PAM: variants seen among roughly 807,000 people sequenced by gnomAD.
PAM encodes peptidyl-glycine alpha-amidating monooxygenase.
PAM carries 72 observed loss-of-function variants against 122.1 expected under a neutral mutation model. The observed-to-expected ratio is 0.59, with a 90% CI of 0.49 to 0.72. The LOEUF is 0.72. Among genes scored for constraint, PAM ranks in the 30% least tolerant of loss-of-function variants. The pLI, the probability that PAM is intolerant of heterozygous loss-of-function variation, is 0.00. For missense variants in PAM, 1,106 were observed against 1,183.7 expected, an observed-to-expected ratio of 0.93 and a Z score of 0.96; for synonymous variants, 389 against 404.4, an observed-to-expected ratio of 0.96 and a Z score of 0.46.
intron 1 of PAM, among the ~76,000 whole-genome samples, chr5:102,836,830 G>A (rs1235632180): frequency 6.7e-6 from 1 of 148,314 alleles, no homozygotes; most frequent in African/African-American, 2.5e-5. Context: ...AAATGAAAAT[G>A]TTAATTATGG....
chr5:102,977,591 G>T (rs1053669201), intron 15 of PAM, among the ~76,000 whole-genome samples: 5 of 151,280 alleles, frequency 3.3e-5, no homozygotes, highest in African/African-American at 1.2e-4. Context: ...TCAAACTGTT[G>T]TTTGAAAGGA....
In PAM at chr5:102,868,904, A is replaced by G. The variant is rs424091; in HGVS notation, c.210+1511A>G. Among the ~76,000 whole-genome samples, 26 of 152,368 alleles carry G rather than the reference A, an allele frequency of 1.7e-4. No individual in the cohort carries two copies. The East Asian group carries it at 5.0e-3, about 29-fold the overall frequency. On this transcript the variant is annotated intron_variant, in intron 3 of 25. Transcript: ENST00000438793. ...TTAGAGGAATTGATTATAAAAAGTC[A>G]TGGAGGAGCTCCATTTTCATAAAGT...
intron 1 of PAM, among the ~76,000 whole-genome samples, chr5:102,832,286 G>T (rs1026326365): frequency 6.6e-6 from 1 of 152,024 alleles, no homozygotes; most frequent in African/African-American, 2.4e-5. Context: ...CCCATAGCTA[G>T]GACAAAGCCA....
In PAM at chr5:102,974,235, A is replaced by T. The variant is rs191907390; in HGVS notation, c.1282A>T (p.Asn428Tyr). Residue 428 changes from asparagine to tyrosine, a missense_variant, in exon 15 of 26, where the codon AAT (asparagine) becomes TAT (tyrosine). This residue lies in a region of PAM where 670 missense variants were observed against 690.3 expected (regional missense o/e 0.97). Coordinates refer to ENST00000438793, the MANE Select transcript of PAM (RefSeq NM_001177306.2). ...GTCAGACCTGGTAGCTGAGATTGCA[A>T]ATGTAGTCCAAAAAAAGGATCTTGG... The part of the protein sequence containing the change: ...SESDLVAEIA[N>Y]VVQKKDLGRS... 4.3e-6 allele frequency: 7 copies of T among 1,614,030 alleles called. No homozygotes were observed. In the Admixed American group the frequency reaches 1.0e-4, roughly 23 times the overall value.
chr5:103,017,225 G>A (rs907355178), intron 21 of PAM, 109 bp from the exon 22 acceptor site: 2 of 748,212 alleles, frequency 2.7e-6, no homozygotes, highest in East Asian at 2.5e-5. Flanking sequence ...TTTGGTTTGA[G>A]TAATATGTTT....
chr5:102,793,329 G>C (rs1335571488), intron 1 of PAM, among the ~76,000 whole-genome samples: 2 of 151,734 alleles, frequency 1.3e-5, no homozygotes, highest in Non-Finnish European at 2.9e-5. Flanking sequence ...TTTGGGAGCA[G>C]TCTGGGCAAC....
At chr5:102,798,901 A>G (rs1474371381) in intron 1 of PAM, among the ~76,000 whole-genome samples, 1 of 152,118 alleles carries the variant, frequency 6.6e-6, no homozygotes, top group Non-Finnish European at 1.5e-5. Flanking sequence ...TTTACTTCTC[A>G]CTGTCCTAGA....
intron 7 of PAM, among the ~76,000 whole-genome samples, chr5:102,937,338 T>C (rs1336353015): frequency 1.3e-5 from 2 of 152,164 alleles, no homozygotes; most frequent in Non-Finnish European, 2.9e-5. Flanking sequence ...TGACAGACAC[T>C]AGAAATGGAA....
At chr5:102,859,468 A>G (rs1311516260) in intron 1 of PAM, among the ~76,000 whole-genome samples, 1 of 152,180 alleles carries the variant, frequency 6.6e-6, no homozygotes, top group Non-Finnish European at 1.5e-5. Flanking sequence ...TATTTTATAT[A>G]CTTGTACAAT....
chr5:102,997,687 T>A (rs1306057662), intron 16 of PAM, among the ~76,000 whole-genome samples: 1 of 152,212 alleles, frequency 6.6e-6, no homozygotes, highest in East Asian at 1.9e-4. Flanking sequence ...GATCCTCAAA[T>A]TAGTTAATTT....
chr5:102,866,925 T>G (rs1285549536), intron 2 of PAM, among the ~76,000 whole-genome samples: 3 of 152,226 alleles, frequency 2.0e-5, no homozygotes, highest in Non-Finnish European at 4.4e-5. Flanking sequence ...GTATTAATAC[T>G]ATATCTTCAT....
intron 1 of PAM, among the ~76,000 whole-genome samples, chr5:102,794,453 C>A (rs1159088424): frequency 6.6e-6 from 1 of 151,840 alleles, no homozygotes; most frequent in Non-Finnish European, 1.5e-5. Flanking sequence ...TTTTTCATTC[C>A]TTTTTTAATC....
intron 1 of PAM, among the ~76,000 whole-genome samples, chr5:102,859,541 G>A (rs903588399): frequency 6.6e-6 from 1 of 152,046 alleles, no homozygotes; most frequent in African/African-American, 2.4e-5. Context: ...ATTTTTAAAA[G>A]TTTATGAAGT....
intron 23 of PAM, among the ~76,000 whole-genome samples, chr5:103,022,458 GTA>G (rs1424772317): frequency 2.6e-5 from 4 of 152,010 alleles, no homozygotes; most frequent in Non-Finnish European, 5.9e-5. Flanking sequence ...GTACATACAT[GTA>G]TATGTGCACT....
intron 3 of PAM, among the ~76,000 whole-genome samples, chr5:102,880,252 G>A (rs1790537726): frequency 6.6e-6 from 1 of 151,842 alleles, no homozygotes; most frequent in African/African-American, 2.4e-5. Context: ...CTGCACTCCA[G>A]CCTGGGCAAC....
intron 3 of PAM, among the ~76,000 whole-genome samples, chr5:102,892,012 G>C (rs1794924014): frequency 2.0e-5 from 3 of 151,732 alleles, no homozygotes; most frequent in Non-Finnish European, 4.4e-5. Flanking sequence ...GCCAATTCTG[G>C]TCATTCCTTT....
At chr5:102,915,931 T>C (rs1056633242) in intron 5 of PAM, among the ~76,000 whole-genome samples, 1 of 152,138 alleles carries the variant, frequency 6.6e-6, no homozygotes, top group Non-Finnish European at 1.5e-5. Flanking sequence ...ATAAGATATA[T>C]TGACCAAAAA....
Position 103,025,307 on chromosome 5 carries a change from C to T in PAM, c.2662C>T (p.Arg888Trp), listed in dbSNP as rs371136481. ...CCTGCTGGCCATTGCCATATTTATTCGGTGGAAAAAATCAAGGGCCTTTGG... is the reference window on the plus strand; with the variant it reads ...CCTGCTGGCCATTGCCATATTTATTTGGTGGAAAAAATCAAGGGCCTTTGG... ...VVLLAIAIFI[R>W]WKKSRAFGDS... is the part of the protein sequence containing the mutation. Residue 888 changes from arginine to tryptophan, a missense_variant, in exon 24 of 26, where the codon CGG (arginine) becomes TGG (tryptophan). By Grantham distance (101) the Arg-to-Trp change is moderately radical (BLOSUM62 -3). Coordinates refer to ENST00000438793, the MANE Select transcript of PAM (RefSeq NM_001177306.2). The T allele has an allele frequency of 1.4e-5, 23 of 1,613,522 alleles. No homozygotes were observed. Among genetic ancestry groups the T allele is most frequent in the African/African-American group, 9.3e-5 (7 of 74,972 alleles).
chr5:102,762,818 T>C (rs1752758042), intron 1 of PAM, among the ~76,000 whole-genome samples: 1 of 152,324 alleles, frequency 6.6e-6, no homozygotes, highest in East Asian at 1.9e-4. Context: ...TGCCATTTCC[T>C]CTGTGGCCCC....
Sources: gnomAD v4.1 joint callset for allele counts (sites outside exome capture counted in the v4.1 genomes callset) on GRCh38, gnomAD v4.1.1 for gene constraint, gnomAD v4.1.1 regional missense constraint, MANE v1.5 for transcripts, NCBI Gene and HGNC (gene_info 2026-07-23, HGNC 2026-07-21) for gene names.